Variants in IL1RAPL2 observed in about 807,000 individuals in gnomAD.
IL1RAPL2 encodes interleukin 1 receptor accessory protein like 2.
Under a neutral mutation model 44.1 loss-of-function variants are expected in IL1RAPL2, and 3 were observed. That is an observed-to-expected ratio of 0.07 (90% CI 0.03 to 0.18). IL1RAPL2 has a LOEUF of 0.18. Ranked by LOEUF, IL1RAPL2 falls within the 10% of genes least tolerant of loss-of-function variation. The pLI, the probability that IL1RAPL2 is intolerant of heterozygous loss-of-function variation, is 1.00. For synonymous variants in IL1RAPL2, 181 were observed against 178.8 expected, an observed-to-expected ratio of 1.01 and a Z score of -0.10; for missense variants, 391 against 496.4, an observed-to-expected ratio of 0.79 and a Z score of 2.02.
At chrX:105,295,344 T>G (rs968257074) in intron 5 of IL1RAPL2, among the ~76,000 whole-genome samples, 2 of 111,514 alleles carry the variant, frequency 1.8e-5, no homozygotes, top group Non-Finnish European at 3.8e-5. Context: ...GGTAGGTGAG[T>G]ATCTTTTTAA....
intron 7 of IL1RAPL2, among the ~76,000 whole-genome samples, chrX:105,734,534 G>A (rs1327903797): frequency 9.0e-6 from 1 of 111,506 alleles, no homozygotes; most frequent in African/African-American, 3.3e-5. Flanking sequence ...TGGGAATACA[G>A]GTGCACACCA....
At chrX:105,679,335 A>G (rs1475751343) in intron 6 of IL1RAPL2, among the ~76,000 whole-genome samples, 1 of 112,186 alleles carries the variant, frequency 8.9e-6, no homozygotes, top group Non-Finnish European at 1.9e-5. Context: ...TCTTGTTAAA[A>G]GTTCACTTTC....
chrX:105,493,504 A>G (rs1230374964), intron 6 of IL1RAPL2, among the ~76,000 whole-genome samples: 4 of 111,572 alleles, frequency 3.6e-5, no homozygotes, highest in African/African-American at 6.5e-5. Context: ...TTTTATTTAT[A>G]TTTCCCTAAT....
intron 2 of IL1RAPL2, among the ~76,000 whole-genome samples, chrX:104,926,303 GTA>G (rs758818185): frequency 1.8e-5 from 2 of 112,288 alleles, no homozygotes; most frequent in South Asian, 7.3e-4. Flanking sequence ...AAATTTAGGT[GTA>G]TTTCGTGGCA....
intron 2 of IL1RAPL2, among the ~76,000 whole-genome samples, chrX:105,028,858 G>GA (rs2031423927): frequency 9.0e-6 from 1 of 111,171 alleles, no homozygotes; most frequent in African/African-American, 3.3e-5. Context: ...GAACGTTAGA[G>GA]AAGTAGGAGA....
At chrX:105,283,625 G>T (rs1192823852) in intron 5 of IL1RAPL2, among the ~76,000 whole-genome samples, 1 of 111,162 alleles carries the variant, frequency 9.0e-6, no homozygotes, top group Non-Finnish European at 1.9e-5. Context: ...GGAAGACTGA[G>T]GGAGGTCAGA....
chrX:105,086,030 G>C (rs771412744), intron 2 of IL1RAPL2, among the ~76,000 whole-genome samples: 1 of 111,423 alleles, frequency 9.0e-6, no homozygotes, highest in South Asian at 3.8e-4. Context: ...TGCTCTCCCA[G>C]TGGTTGCAGA....
chrX:105,100,263 A>C (rs1426284727), intron 2 of IL1RAPL2, among the ~76,000 whole-genome samples: 1 of 111,798 alleles, frequency 8.9e-6, no homozygotes, highest in East Asian at 2.8e-4. Flanking sequence ...TGTATCAGCC[A>C]CAGATAAAGA....
At chrX:104,717,694 T>C (rs865840841) in intron 2 of IL1RAPL2, among the ~76,000 whole-genome samples, 4 of 109,580 alleles carry the variant, frequency 3.7e-5, no homozygotes, top group Non-Finnish European at 7.6e-5. Context: ...ATGTGCCATG[T>C]TGGTGTGCTG....
In IL1RAPL2 at chrX:105,195,677, C is replaced by T; in HGVS notation, c.285C>T (p.Ser95=). 1 of 1,210,638 alleles carries T rather than the reference C, an allele frequency of 8.3e-7. No individual in the cohort carries two copies. The highest frequency in any genetic ancestry group is 1.1e-6 in the Non-Finnish European group (1 of 894,553). Residue 95 remains serine (S), a synonymous_variant, in exon 3 of 11, where the codon AGC becomes AGT. Transcript: ENST00000372582. ...EPIIFSEVRM[S]KEEDSIWFHS... is the part of the protein sequence containing the mutation. ...TCATCTTTTCAGAGGTCAGGATGAG[C>T]AAAGAGGAAGATTCAATATGGTTTC...
At chrX:104,806,411 T>C (rs1409272406) in intron 2 of IL1RAPL2, among the ~76,000 whole-genome samples, 1 of 112,509 alleles carries the variant, frequency 8.9e-6, no homozygotes, top group Non-Finnish European at 1.9e-5. Flanking sequence ...CTGCACTGGC[T>C]GCTATTAGGT....
chrX:105,312,053 T>A (rs1165343048), intron 5 of IL1RAPL2, among the ~76,000 whole-genome samples: 2 of 111,925 alleles, frequency 1.8e-5, no homozygotes, highest in Non-Finnish European at 3.8e-5. Context: ...ACCTCTTTTT[T>A]GAACACATCA....
chrX:105,331,384 T>C (rs1204005637), intron 5 of IL1RAPL2, among the ~76,000 whole-genome samples: 1 of 111,971 alleles, frequency 8.9e-6, no homozygotes, highest in East Asian at 2.8e-4. Flanking sequence ...TATGATTATC[T>C]AATGCTGGAA....
intron 2 of IL1RAPL2, among the ~76,000 whole-genome samples, chrX:104,908,025 T>TCTTG (rs1924081558): frequency 9.0e-6 from 1 of 110,929 alleles, no homozygotes; most frequent in Non-Finnish European, 1.9e-5. Flanking sequence ...AGTTAGCTCT[T>TCTTG]CTTGTTGAAT....
At chrX:104,758,905 C>G (rs1030717062) in intron 2 of IL1RAPL2, among the ~76,000 whole-genome samples, 1 of 111,485 alleles carries the variant, frequency 9.0e-6, no homozygotes, top group Non-Finnish European at 1.9e-5. Flanking sequence ...AATGTCAGAC[C>G]AGGCTCCCTC....
At chrX:105,166,201 T>C (rs1278996672) in intron 2 of IL1RAPL2, among the ~76,000 whole-genome samples, 1 of 111,850 alleles carries the variant, frequency 8.9e-6, no homozygotes, top group Non-Finnish European at 1.9e-5. Flanking sequence ...TCACCACAAG[T>C]ACTTATTTAA....
chrX:105,191,526 A>G (rs984787867), intron 2 of IL1RAPL2, among the ~76,000 whole-genome samples: 1 of 112,101 alleles, frequency 8.9e-6, no homozygotes, highest in African/African-American at 3.2e-5. Flanking sequence ...ATATTAAAGC[A>G]TTGGTACCCA....
intron 2 of IL1RAPL2, among the ~76,000 whole-genome samples, chrX:105,120,147 G>A (rs1359400202): frequency 9.3e-6 from 1 of 107,983 alleles, no homozygotes; most frequent in Non-Finnish European, 1.9e-5. Flanking sequence ...TTTGTGAAAT[G>A]TGGGGCTGCA....
At chrX:105,412,121 C>A (rs753690731) in intron 5 of IL1RAPL2, among the ~76,000 whole-genome samples, 1 of 110,303 alleles carries the variant, frequency 9.1e-6, no homozygotes, top group East Asian at 2.9e-4. Flanking sequence ...CAATGGAAAA[C>A]ACATCATACA....
Sources: allele counts gnomAD v4.1 joint callset (sites outside exome capture counted in the v4.1 genomes callset), GRCh38; gene constraint gnomAD v4.1.1; transcripts MANE v1.5; gene names NCBI Gene and HGNC (gene_info 2026-07-23, HGNC 2026-07-21).